Variants in CELSR1 observed in about 807,000 individuals in gnomAD.
CELSR1 encodes the protein adhesion G protein-coupled receptor C1.
Under a neutral mutation model 249.1 loss-of-function variants are expected in CELSR1, and 110 were observed. The ratio of observed to expected loss-of-function variants is 0.44; its 90% CI spans 0.38 to 0.52. The LOEUF is 0.52. Ranked by LOEUF, CELSR1 falls within the 20% of genes least tolerant of loss-of-function variation. The probability of loss-of-function intolerance (pLI) is 0.00; values close to 1 mark genes in which losing one functional copy is unlikely to be tolerated. For missense variants in CELSR1, 4,109 were observed against 4,296.4 expected (o/e 0.96, Z 1.22); for synonymous variants, 2,113 against 1,900.0 (o/e 1.11, Z -2.92).
In CELSR1 at chr22:46,488,808, C is replaced by T. The variant is rs1379857488; in HGVS notation, c.3545-24463G>A. Among the ~76,000 whole-genome samples, 1 of 152,148 alleles carries T rather than the reference C, an allele frequency of 6.6e-6. No homozygotes were observed. The highest frequency in any genetic ancestry group is 1.5e-5 in the Non-Finnish European group (1 of 68,008). On this transcript the variant is annotated intron_variant, in intron 1 of 34. Coordinates refer to ENST00000674500, the MANE Select transcript of CELSR1 (RefSeq NM_001378328.1). The surrounding 1 kb of genome is among the most constrained non-coding windows in gnomAD (Gnocchi z 4.7). ...CCGAGTAGCTGGGACTACAGGCGCC[C>T]GCCACCAGGCCCAGCTAATTTTTTG...
At chr22:46,492,081 G>A (rs1265927573) in intron 1 of CELSR1, among the ~76,000 whole-genome samples, 1 of 152,224 alleles carries the variant, frequency 6.6e-6, no homozygotes, top group Non-Finnish European at 1.5e-5. Flanking sequence ...CCACGAGAAG[G>A]CAACGGTCAG....
Position 46,416,754 on chromosome 22 carries a change from T to C in CELSR1, c.4612-4995A>G, listed in dbSNP as rs536773740. 1.1e-3 allele frequency among the ~76,000 whole-genome samples: 169 copies of C among 152,318 alleles called. 5 individuals are homozygous for C. In the South Asian group the frequency reaches 0.033, roughly 30 times the overall value. On this transcript the variant is annotated intron_variant, in intron 5 of 34. Coordinates refer to ENST00000674500, the MANE Select transcript of CELSR1 (RefSeq NM_001378328.1). Reference sequence around the variant, plus strand: ...CCCGGGGTCCAGCCTCTTCTTATTTTCCTTCGAGGTATTTTCTTCCCTGCG... The same window carrying C: ...CCCGGGGTCCAGCCTCTTCTTATTTCCCTTCGAGGTATTTTCTTCCCTGCG...
chr22:46,426,250 G>C (rs2079537220), intron 5 of CELSR1, among the ~76,000 whole-genome samples: 1 of 150,074 alleles, frequency 6.7e-6, no homozygotes, highest in Non-Finnish European at 1.5e-5. Context: ...TGAGAACAAG[G>C]TTTCTAACTG....
chr22:46,388,460 G>C (rs1304356320), intron 18 of CELSR1, among the ~76,000 whole-genome samples: 1 of 152,182 alleles, frequency 6.6e-6, no homozygotes, highest in Non-Finnish European at 1.5e-5. Context: ...TCAAATCCCA[G>C]CAAGGGGACC....
Position 46,433,587 on chromosome 22 carries a change from C to T in CELSR1, c.4523-106G>A. 2 of 754,118 alleles carry T rather than the reference C, an allele frequency of 2.7e-6. No homozygotes were observed. The highest frequency in any genetic ancestry group is 2.3e-5 in the Admixed American group (1 of 44,008). The allele number at this position is 754,118 out of a possible 1,614,324, so 46.7% of individuals were successfully genotyped here. On this transcript the variant is annotated intron_variant, in intron 4 of 34. Transcript: ENST00000674500. This position sits in a 1 kb window ranked among gnomAD's most constrained non-coding sequence, Gnocchi z 5.7. Reference sequence around the variant, plus strand: ...TCAGGGGGAGACAGGTGCACATGGCCACGTCCTCCCTCCCCTCCCCACGGC... The same window carrying T: ...TCAGGGGGAGACAGGTGCACATGGCTACGTCCTCCCTCCCCTCCCCACGGC...
chr22:46,490,621 G>C lies in CELSR1; in HGVS notation c.3545-26276C>G, dbSNP rs547654271. On this transcript the variant is annotated intron_variant, in intron 1 of 34. Coordinates refer to ENST00000674500, the MANE Select transcript of CELSR1 (RefSeq NM_001378328.1). The surrounding 1 kb of genome is among the most constrained non-coding windows in gnomAD (Gnocchi z 5.2). The stretch of plus-strand genomic sequence containing the variant: ...GAGGGAAATGTTCTAAGCAGAGTGA[G>C]CGTCGTGGAGCCTCCCTCAGGCATG... Among the ~76,000 whole-genome samples, 65 of 152,246 alleles carry C rather than the reference G, an allele frequency of 4.3e-4. No individual in the cohort carries two copies. Among genetic ancestry groups the C allele is most frequent in the African/African-American group, 1.5e-3 (63 of 41,526 alleles).
chr22:46,535,336 A>G lies in CELSR1; in HGVS notation c.1835T>C (p.Leu612Pro). The G allele has an allele frequency of 6.2e-7, 1 of 1,612,366 alleles. No individual in the cohort carries two copies. The highest frequency in any genetic ancestry group is 8.5e-7 in the Non-Finnish European group (1 of 1,179,948). ...YRLVDTASTF[L>P]GGGSAGPKNP... Reference sequence around the variant, plus strand: ...CTTAGGCCCAGCGCTGCCGCCCCCCAGAAAGGTGGAGGCCGTGTCCACCAG... The same window carrying G: ...CTTAGGCCCAGCGCTGCCGCCCCCCGGAAAGGTGGAGGCCGTGTCCACCAG... Residue 612 changes from leucine (L) to proline (P), a missense_variant, in exon 1 of 35, where the codon CTG (leucine) becomes CCG (proline). By Grantham distance (98) the Leu-to-Pro change is moderately conservative (BLOSUM62 -3). This residue lies in a region of CELSR1 where 886 missense variants were observed against 896.5 expected (regional missense o/e 0.99). Coordinates refer to ENST00000674500, the MANE Select transcript of CELSR1 (RefSeq NM_001378328.1).
intron 9 of CELSR1, among the ~76,000 whole-genome samples, chr22:46,403,159 A>T (rs1242035122): frequency 6.6e-6 from 1 of 152,204 alleles, no homozygotes; most frequent in Admixed American, 6.6e-5. Flanking sequence ...GCAAAAATCA[A>T]GATTACTAAG....
intron 5 of CELSR1, among the ~76,000 whole-genome samples, chr22:46,424,461 C>A (rs2079515299): frequency 6.6e-6 from 1 of 152,170 alleles, no homozygotes; most frequent in East Asian, 1.9e-4. Context: ...CAGAGATATC[C>A]CATGTACCCC....
chr22:46,503,798 G>A (rs1038028791), intron 1 of CELSR1, among the ~76,000 whole-genome samples: 16 of 152,216 alleles, frequency 1.1e-4, no homozygotes, highest in African/African-American at 3.4e-4. Flanking sequence ...GGGAGGCTGA[G>A]GCAGGAGAAA....
Position 46,398,081 on chromosome 22 carries a change from C to T in CELSR1, c.5527-233G>A, listed in dbSNP as rs528462334. 3.9e-5 allele frequency among the ~76,000 whole-genome samples: 6 copies of T among 152,194 alleles called. No individual in the cohort carries two copies. Among genetic ancestry groups the T allele is most frequent in the African/African-American group, 1.4e-4 (6 of 41,528 alleles). ...CACGCCAGCCTGAGCTCCTGGGGTG[C>T]GCGGTGGGGGCGTGAGGAGTGGATG... On this transcript the variant is annotated intron_variant, in intron 11 of 34. Transcript: ENST00000674500. This position sits in a 1 kb window ranked among gnomAD's most constrained non-coding sequence, Gnocchi z 7.2.
intron 1 of CELSR1, among the ~76,000 whole-genome samples, chr22:46,469,978 A>AG (rs2080137736): frequency 2.2e-5 from 3 of 133,432 alleles, no homozygotes; most frequent in South Asian, 2.4e-4. Flanking sequence ...GGAGGGAGGG[A>AG]GGAGGAGGGG....
At chr22:46,463,522 T>TAAA (rs11453877) in intron 2 of CELSR1, among the ~76,000 whole-genome samples, 185 bp downstream of exon 2, 11,979 of 142,084 alleles carry the variant, frequency 0.084, 1,254 homozygotes, top group African/African-American at 0.25. Context: ...TCAAAAAAGT[T>TAAA]AAAAAAAAAA....
rs1207942488 is a variant in CELSR1, at chr22:46,445,599, T to G, written c.4184-6188A>C. ...CTCATTACATCTGGAAAGAGCCCAT[T>G]TCCAACTGAGGTCTCATTCTGAGAG... On this transcript the variant is annotated intron_variant, in intron 2 of 34. Coordinates refer to ENST00000674500, the MANE Select transcript of CELSR1 (RefSeq NM_001378328.1). The surrounding 1 kb of genome is among the most constrained non-coding windows in gnomAD (Gnocchi z 4.4). Among the ~76,000 whole-genome samples, 5 of 152,172 alleles carry G rather than the reference T, an allele frequency of 3.3e-5. No homozygotes were observed. The highest frequency in any genetic ancestry group is 4.4e-5 in the Non-Finnish European group (3 of 68,030).
chr22:46,425,458 C>T (rs764187132), intron 5 of CELSR1, among the ~76,000 whole-genome samples: 5 of 152,182 alleles, frequency 3.3e-5, no homozygotes, highest in African/African-American at 4.8e-5. Flanking sequence ...TCTATTTCCT[C>T]AATAGTGTAT....
chr22:46,535,230 G>C lies in CELSR1; in HGVS notation c.1941C>G (p.Arg647=), dbSNP rs141370892. Residue 647 remains arginine (R), a synonymous_variant, in exon 1 of 35, where the codon CGC becomes CGG. Coordinates refer to ENST00000674500, the MANE Select transcript of CELSR1 (RefSeq NM_001378328.1). ...CGAAGCTGTAGTGCTCCACCTCCTC[G>C]CGGTCCAGCTCGGCACACACTGTGA... ...GWITVCAELD[R]EEVEHYSFGV... 9 of 1,609,616 alleles carry C rather than the reference G, an allele frequency of 5.6e-6. No homozygotes were observed. In the African/African-American group the frequency reaches 1.1e-4, roughly 19 times the overall value.
chr22:46,468,319 G>C lies in CELSR1; in HGVS notation c.3545-3974C>G, dbSNP rs898653189. On this transcript the variant is annotated intron_variant, in intron 1 of 34. Transcript: ENST00000674500. The surrounding 1 kb of genome is among the most constrained non-coding windows in gnomAD (Gnocchi z 4.5). ...GAGAATCGCTTGAACCCAAGAGGTG[G>C]AGGTTGTGGTGAGCCAAGATCATAC... Among the ~76,000 whole-genome samples the C allele has an allele frequency of 6.6e-6, 1 of 151,698 alleles. No individual in the cohort carries two copies. Among genetic ancestry groups the C allele is most frequent in the Admixed American group, 6.6e-5 (1 of 15,184 alleles).
At chr22:46,516,215 C>T (rs1797306954) in intron 1 of CELSR1, among the ~76,000 whole-genome samples, 1 of 152,272 alleles carries the variant, frequency 6.6e-6, no homozygotes, top group African/African-American at 2.4e-5. Flanking sequence ...CCCAAATGTC[C>T]ACCAATGATA....
At chr22:46,475,363 C>T (rs1477486542) in intron 1 of CELSR1, among the ~76,000 whole-genome samples, 2 of 152,052 alleles carry the variant, frequency 1.3e-5, no homozygotes, top group East Asian at 1.9e-4. Context: ...TGAAAGAGGC[C>T]GGTCACAAAA....
Sources: allele counts gnomAD v4.1 joint callset (sites outside exome capture counted in the v4.1 genomes callset), GRCh38; gene constraint gnomAD v4.1.1; regional missense constraint gnomAD v4.1.1; non-coding constraint Gnocchi (gnomAD v3.1); transcripts MANE v1.5; gene names NCBI Gene and HGNC (gene_info 2026-07-23, HGNC 2026-07-21).